ZNF486: variants seen among roughly 807,000 people sequenced by gnomAD.
The protein encoded by ZNF486 is KRAB box only protein 2.
ZNF486 carries 12 observed loss-of-function variants against 12.8 expected under a neutral mutation model. That is an observed-to-expected ratio of 0.94 (90% CI 0.60 to 1.52). The LOEUF is 1.52. Among genes scored for constraint, ZNF486 ranks in the 40% most tolerant of loss-of-function variants. ZNF486 has a pLI of 0.00. For synonymous variants in ZNF486, 231 were observed against 184.9 expected (o/e 1.25, Z -2.02); for missense variants, 738 against 545.0 (o/e 1.35, Z -3.53).
At chr19:20,169,159 G>A (rs1251275393) in intron 1 of ZNF486, among the ~76,000 whole-genome samples, 1 of 152,088 alleles carries the variant, frequency 6.6e-6, no homozygotes, top group East Asian at 1.9e-4. Flanking sequence ...TTATTACCCA[G>A]TCTGGAGTGC....
Position 20,167,349 on chromosome 19 carries a change from A to C in ZNF486, c.19A>C (p.Ser7Arg). 2 of 1,613,892 alleles carry C rather than the reference A, an allele frequency of 1.2e-6. No homozygotes were observed. Among genetic ancestry groups the C allele is most frequent in the Non-Finnish European group, 1.7e-6 (2 of 1,179,852 alleles). The change falls in exon 1 of 4, where the codon AGC becomes CGC. Residue 7 changes from serine (S) to arginine (R), a missense_variant. Physicochemically the swap from Ser to Arg is moderately radical, Grantham distance 110. Transcript: ENST00000335117. MPGPLR[S>R]LEMESLQFRD... ...AGCCAAGATGCCGGGACCCCTTAGA[A>C]GCCTAGAAATGGTGAGAGTGCCCAT...
At chr19:20,184,735 A>G (rs2089824076) in intron 2 of ZNF486, among the ~76,000 whole-genome samples, 1 of 152,168 alleles carries the variant, frequency 6.6e-6, no homozygotes, top group Non-Finnish European at 1.5e-5. Context: ...ATTTAGTGGC[A>G]TAAAATAGTG....
chr19:20,176,859 A>G (rs147611203), intron 1 of ZNF486: 1 of 152,268 alleles, frequency 6.6e-6, no homozygotes, highest in Non-Finnish European at 1.5e-5. Flanking sequence ...AAGCCCTATT[A>G]ATTAATCCCA....
intron 1 of ZNF486, among the ~76,000 whole-genome samples, chr19:20,182,045 C>G (rs2089793208): frequency 6.6e-6 from 1 of 152,122 alleles, no homozygotes; most frequent in African/African-American, 2.4e-5. Flanking sequence ...CTTCAGTTTC[C>G]TCTATAAACT....
At chr19:20,172,095 C>T (rs2089654536) in intron 1 of ZNF486, among the ~76,000 whole-genome samples, 1 of 152,004 alleles carries the variant, frequency 6.6e-6, no homozygotes, top group Non-Finnish European at 1.5e-5. Flanking sequence ...ACCTCAACTT[C>T]CTGGTTCAAG....
intron 1 of ZNF486, among the ~76,000 whole-genome samples, chr19:20,181,414 C>T (rs1555715558): frequency 6.6e-6 from 1 of 151,964 alleles, no homozygotes; most frequent in African/African-American, 2.4e-5. Flanking sequence ...TGGTGGGCGC[C>T]TGTAGTCCCA....
intron 1 of ZNF486, among the ~76,000 whole-genome samples, chr19:20,181,269 G>T (rs2089781564): frequency 6.6e-6 from 1 of 152,190 alleles, no homozygotes; most frequent in African/African-American, 2.4e-5. Context: ...TCCGGGCGCG[G>T]TGGCTCACGC....
intron 1 of ZNF486, chr19:20,176,233 C>T: frequency 1.0e-5 from 2 of 194,510 alleles, no homozygotes; most frequent in Non-Finnish European, 2.1e-5. Flanking sequence ...CGATGGGCGG[C>T]CGGGCAGAGA....
chr19:20,187,475 T>G (rs752939961), intron 3 of ZNF486, among the ~76,000 whole-genome samples: 75 of 151,972 alleles, frequency 4.9e-4, no homozygotes, highest in Non-Finnish European at 7.2e-4. Context: ...GGTGCCTAAA[T>G]TTGATGGAGC....
chr19:20,169,049 C>T (rs1345390898), intron 1 of ZNF486, among the ~76,000 whole-genome samples: 2 of 151,620 alleles, frequency 1.3e-5, no homozygotes, highest in Non-Finnish European at 2.9e-5. Flanking sequence ...CCATATTGGC[C>T]AGGCTGGTGT....
At position 20,197,327 on chromosome 19, in the gene ZNF486, G is replaced by C; in HGVS notation, c.617G>C (p.Gly206Ala). 1 of 1,613,148 alleles carries C rather than the reference G, an allele frequency of 6.2e-7. No individual in the cohort carries two copies. Among genetic ancestry groups the C allele is most frequent in the East Asian group, 2.2e-5 (1 of 44,856 alleles). ...THTTHKKIDT[G>A]EKPYKCEECG... ...ACTACACATAAAAAAATTGATACTG[G>C]AGAGAAACCATACAAATGTGAAGAA... The change falls in exon 4 of 4, where the codon GGA becomes GCA. Residue 206 changes from glycine to alanine, a missense_variant. Physicochemically the swap from Gly to Ala is moderately conservative, Grantham distance 60. Transcript: ENST00000335117.
At chr19:20,185,889 A>G in intron 2 of ZNF486, 98 bp from the exon 3 acceptor site, 1 of 611,854 alleles carries the variant, frequency 1.6e-6, no homozygotes, top group Non-Finnish European at 2.5e-6. Flanking sequence ...GTATTAATTT[A>G]CTAGAATATT....
At chr19:20,195,986 T>C (rs782342954) in intron 3 of ZNF486, among the ~76,000 whole-genome samples, 3 of 152,234 alleles carry the variant, frequency 2.0e-5, no homozygotes, top group Non-Finnish European at 4.4e-5. Flanking sequence ...GTTTCTTGTT[T>C]TTTAAAAAGG....
intron 1 of ZNF486, 34 bp downstream of exon 1, chr19:20,167,394 G>A (rs782465945): frequency 2.5e-6 from 4 of 1,609,232 alleles, no homozygotes; most frequent in East Asian, 2.2e-5. Context: ...TGAGAGAGGG[G>A]AGGGACTGGT....
intron 3 of ZNF486, 93 bp downstream of exon 3, chr19:20,186,175 G>C: frequency 1.2e-6 from 1 of 868,060 alleles, no homozygotes; most frequent in Non-Finnish European, 1.7e-6. Context: ...GATCTGGGAA[G>C]CTGTGTTCCA....
intron 1 of ZNF486, among the ~76,000 whole-genome samples, chr19:20,169,900 T>C (rs1435537259): frequency 2.0e-5 from 3 of 146,934 alleles, no homozygotes; most frequent in Non-Finnish European, 3.0e-5. Context: ...TTTTTTTTTT[T>C]TTTTTTTTTT....
At chr19:20,182,763 C>CT (rs1367648679) in intron 1 of ZNF486, among the ~76,000 whole-genome samples, 2 of 152,058 alleles carry the variant, frequency 1.3e-5, no homozygotes, top group Non-Finnish European at 2.9e-5. Context: ...AATAGGTGGG[C>CT]TTTTTCTGTC....
chr19:20,167,771 G>T (rs1277637334), intron 1 of ZNF486, among the ~76,000 whole-genome samples: 6 of 152,044 alleles, frequency 3.9e-5, no homozygotes, highest in Admixed American at 2.0e-4. Context: ...GGCCGGGCGC[G>T]GTGGTTGACG....
intron 2 of ZNF486, 64 bp downstream of exon 2, chr19:20,184,546 GA>G: frequency 6.6e-7 from 1 of 1,504,664 alleles, no homozygotes; most frequent in African/African-American, 1.4e-5. Flanking sequence ...CTTTTTTGCA[GA>G]ATGATTTTAG....
Sources: allele counts gnomAD v4.1 joint callset (sites outside exome capture counted in the v4.1 genomes callset), GRCh38; gene constraint gnomAD v4.1.1; transcripts MANE v1.5; gene names NCBI Gene and HGNC (gene_info 2026-07-23, HGNC 2026-07-21).